ERCC6: variants seen among roughly 807,000 people sequenced by gnomAD.
ERCC6 encodes DNA excision repair protein ERCC-6.
In ERCC6, 116 loss-of-function variants were observed where a neutral mutation model predicts 158.7. The ratio of observed to expected loss-of-function variants is 0.73; its 90% CI spans 0.63 to 0.85. The LOEUF is 0.85. Among genes scored for constraint, ERCC6 ranks in the 40% least tolerant of loss-of-function variants. The probability of loss-of-function intolerance (pLI) is 0.00; values close to 1 mark genes in which losing one functional copy is unlikely to be tolerated. For missense variants in ERCC6, 1,698 were observed against 1,799.4 expected, an observed-to-expected ratio of 0.94 and a Z score of 1.02; for synonymous variants, 678 against 659.3, an observed-to-expected ratio of 1.03 and a Z score of -0.43.
Position 49,515,287 on chromosome 10 carries a change from T to C in ERCC6, c.1397+8746A>G, listed in dbSNP as rs147845123. On this transcript the variant is annotated intron_variant, in intron 5 of 20. Coordinates refer to ENST00000355832, the MANE Select transcript of ERCC6 (RefSeq NM_000124.4). ...GGCAAAACCACTGCTACACTGTACA[T>C]AATGTATAAAACTATGTTTCTTATC... 5.3e-4 allele frequency: 824 copies of C among 1,561,792 alleles called. 3 individuals are homozygous for C. In the African/African-American group the frequency reaches 0.01, roughly 20 times the overall value.
At chr10:49,534,643 T>C (rs1360603813) in intron 1 of ERCC6, among the ~76,000 whole-genome samples, 3 of 152,218 alleles carry the variant, frequency 2.0e-5, no homozygotes, top group African/African-American at 7.2e-5. Flanking sequence ...GTACTCCACA[T>C]ACTCAGGACC....
At chr10:49,498,068 G>T (rs773209953) in intron 7 of ERCC6, among the ~76,000 whole-genome samples, 2 of 152,130 alleles carry the variant, frequency 1.3e-5, no homozygotes, top group Non-Finnish European at 2.9e-5. Flanking sequence ...AAAGAAGGTG[G>T]TGTATCCATT....
intron 15 of ERCC6, 21 bp from the exon 16 acceptor site, chr10:49,472,491 C>T (rs1213937387): frequency 3.8e-6 from 6 of 1,594,002 alleles, no homozygotes; most frequent in Non-Finnish European, 5.2e-6. Flanking sequence ...GAGAGAGAGA[C>T]CTCTCAACGA....
intron 5 of ERCC6, chr10:49,516,334 CA>C (rs1836962368): frequency 6.2e-7 from 1 of 1,613,970 alleles, no homozygotes. Context: ...TCATTTGGAA[CA>C]AATTTCATGC....
intron 6 of ERCC6, chr10:49,505,514 A>T (rs962041817): frequency 5.6e-5 from 10 of 178,330 alleles, no homozygotes; most frequent in African/African-American, 2.1e-4. Context: ...CCCAATATTG[A>T]TTTTAATATG....
At position 49,524,519 on chromosome 10, in the gene ERCC6, G is replaced by A. The variant is rs2132621419; in HGVS notation, c.911C>T (p.Pro304Leu). The A allele has an allele frequency of 6.2e-7, 1 of 1,614,164 alleles. No homozygotes were observed. Among genetic ancestry groups the A allele is most frequent in the East Asian group, 2.2e-5 (1 of 44,884 alleles). ...GTTTTTATTTTGCACTGGGGCTGGA[G>A]GCGTGACTGGGGCTGGAGCTTTTCT... The part of the protein sequence containing the change: ...AARKAPAPVT[P>L]PAPVQNKNKP... Residue 304 changes from proline to leucine, a missense_variant, in exon 5 of 21, where the codon CCT becomes CTT. Physicochemically the swap from Pro to Leu is moderately conservative, Grantham distance 98. Coordinates refer to ENST00000355832, the MANE Select transcript of ERCC6 (RefSeq NM_000124.4).
chr10:49,440,329 T>C, the ERCC6 span, among the ~76,000 whole-genome samples: 2 of 152,190 alleles, frequency 1.3e-5, no homozygotes, highest in Admixed American at 6.5e-5. Context: ...CAGAAACCCC[T>C]GATAAACCCA....
chr10:49,481,891 C>T (rs551009637), intron 10 of ERCC6, among the ~76,000 whole-genome samples: 21 of 152,318 alleles, frequency 1.4e-4, no homozygotes, highest in Non-Finnish European at 2.4e-4. Context: ...GCCCTCACCC[C>T]AGTGGTTCCT....
intron 9 of ERCC6, 144 bp downstream of exon 9, chr10:49,483,202 C>T (rs1851010604): frequency 2.3e-6 from 2 of 880,008 alleles, no homozygotes; most frequent in Non-Finnish European, 1.8e-6. Flanking sequence ...GAGTTTTCTG[C>T]ATTAAGGAAA....
chr10:49,506,071 GAT>G (rs1461166771), intron 5 of ERCC6, 59 bp from the exon 6 acceptor site: 1 of 1,594,786 alleles, frequency 6.3e-7, no homozygotes, highest in African/African-American at 1.3e-5. Flanking sequence ...GATTTAAAAA[GAT>G]AGCTCCTGAT....
intron 6 of ERCC6, chr10:49,503,148 C>T (rs542547781): frequency 3.9e-5 from 6 of 152,218 alleles, no homozygotes; most frequent in African/African-American, 1.2e-4. Context: ...TTGCTTGGGG[C>T]TCATCAACTT....
intron 2 of ERCC6, among the ~76,000 whole-genome samples, chr10:49,532,305 C>A (rs538924327): frequency 1.3e-5 from 2 of 152,310 alleles, no homozygotes; most frequent in East Asian, 3.9e-4. Context: ...GGACATTATG[C>A]ATGCAACTGG....
At chr10:49,480,679 C>T (rs1250577370) in intron 10 of ERCC6, among the ~76,000 whole-genome samples, 9 of 152,194 alleles carry the variant, frequency 5.9e-5, no homozygotes, top group African/African-American at 2.2e-4. Context: ...ATCTGGCCAA[C>T]ACCACCTTAA....
In ERCC6 at chr10:49,524,240, C is replaced by A; in HGVS notation, c.1190G>T (p.Gly397Val). 1 of 1,614,148 alleles carries A rather than the reference C, an allele frequency of 6.2e-7. No individual in the cohort carries two copies. The highest frequency in any genetic ancestry group is 2.2e-5 in the East Asian group (1 of 44,864). Residue 397 changes from glycine (G) to valine (V), a missense_variant, in exon 5 of 21, where the codon GGA becomes GTA. Gly to Val is a moderately radical substitution (Grantham distance 109). Transcript: ENST00000355832. ...CTTCAGCTCATAGTCAGTACCATCT[C>A]CAGACAGGTCCGCCTCTGCCCCCTC... ...EVEGAEADLS[G>V]DGTDYELKPL...
intron 18 of ERCC6, among the ~76,000 whole-genome samples, chr10:49,467,776 C>G (rs990273371): frequency 1.3e-5 from 2 of 151,770 alleles, no homozygotes; most frequent in Non-Finnish European, 2.9e-5. Context: ...ACTATGTTGC[C>G]CAGGCTGGTT....
chr10:49,476,090 T>A (rs1850871544), intron 12 of ERCC6, 125 bp downstream of exon 12: 2 of 746,686 alleles, frequency 2.7e-6, no homozygotes, highest in Non-Finnish European at 4.7e-6. Context: ...CATGCGGGAC[T>A]TCATGCAAGT....
intron 1 of ERCC6, among the ~76,000 whole-genome samples, chr10:49,534,742 A>T (rs576163821): frequency 4.6e-5 from 7 of 152,330 alleles, no homozygotes; most frequent in Admixed American, 4.6e-4. Context: ...ATAACCAAAA[A>T]TCAGTCTTGC....
At position 49,476,230 on chromosome 10, in the gene ERCC6, G is replaced by A. The variant is rs1850874792; in HGVS notation, c.2367C>T (p.Leu789=). The change falls in exon 12 of 21, where the codon CTC becomes CTT. Residue 789 remains leucine, a synonymous_variant. Coordinates refer to ENST00000355832, the MANE Select transcript of ERCC6 (RefSeq NM_000124.4). ...TTTAGCTGACCTGCATCTCTCCATTGAGAATCCTGTAAACTTCTTTGGAAT... is the reference window on the plus strand; with the variant it reads ...TTTAGCTGACCTGCATCTCTCCATTAAGAATCCTGTAAACTTCTTTGGAAT... ...FVDSKEVYRI[L]NGEMQIFSGL... is the part of the protein sequence containing the mutation. 3 of 1,612,358 alleles carry A rather than the reference G, an allele frequency of 1.9e-6. No individual in the cohort carries two copies. Among genetic ancestry groups the A allele is most frequent in the African/African-American group, 2.7e-5 (2 of 74,938 alleles).
chr10:49,535,371 G>C (rs1210592830), intron 1 of ERCC6, among the ~76,000 whole-genome samples: 1 of 152,162 alleles, frequency 6.6e-6, no homozygotes, highest in Admixed American at 6.5e-5. Flanking sequence ...GGCTCTGACA[G>C]GTACCTAAGG....
Sources: allele counts gnomAD v4.1 joint callset (sites outside exome capture counted in the v4.1 genomes callset), GRCh38; gene constraint gnomAD v4.1.1; transcripts MANE v1.5; gene names NCBI Gene and HGNC (gene_info 2026-07-23, HGNC 2026-07-21).